Variants in G6PD observed in about 807,000 individuals in gnomAD.
The protein encoded by G6PD is glucose-6-phosphate 1-dehydrogenase.
In G6PD, 2 loss-of-function variants were observed where a neutral mutation model predicts 38.2. That is an observed-to-expected ratio of 0.05 (90% CI 0.02 to 0.16). The LOEUF (loss-of-function observed/expected upper bound fraction) is 0.16. G6PD is among the 10% of genes least tolerant of loss of function. The pLI is 1.00. For synonymous variants in G6PD, 188 were observed against 196.0 expected (o/e 0.96, Z 0.34); for missense variants, 310 against 471.6 (o/e 0.66, Z 3.17).
chrX:154,540,094 C>A (rs938824780), intron 2 of G6PD, among the ~76,000 whole-genome samples: 7 of 109,737 alleles, frequency 6.4e-5, no homozygotes, highest in Non-Finnish European at 9.5e-5. Flanking sequence ...GTAACCCCAG[C>A]ACTTTGGGAG....
upstream of G6PD, chrX:154,546,967 C>A (rs1291716447): frequency 3.2e-5 from 10 of 316,645 alleles, no homozygotes; most frequent in Admixed American, 7.2e-4. Context: ...CTCGTGCGGG[C>A]GGGGCGGGGC....
intron 2 of G6PD, among the ~76,000 whole-genome samples, 182 bp from the exon 3 acceptor site, chrX:154,536,360 C>A (rs1296777125): frequency 8.9e-6 from 1 of 111,782 alleles, no homozygotes; most frequent in African/African-American, 3.2e-5. Context: ...GCCCTCCATC[C>A]CTGACCCAGA....
chrX:154,531,774 TG>T lies in G6PD; in HGVS notation c.*225del. 2.0e-6 allele frequency: 1 copy of T among 490,214 alleles called. No individual in the cohort carries two copies. Among genetic ancestry groups the T allele is most frequent in the South Asian group, 3.2e-5 (1 of 31,355 alleles). The allele number at this position is 490,214 out of a possible 1,213,427, so 40.4% of individuals were successfully genotyped here. A position where few individuals can be genotyped will look rare whatever the true frequency, so the allele number is the denominator to read the frequency against. On this transcript the variant is annotated 3_prime_UTR_variant, in exon 13 of 13. Coordinates refer to ENST00000393562, the MANE Select transcript of G6PD (RefSeq NM_001360016.2). ...TGAGTGGAGGAGGTGACTCAGCTCC[TG>T]GGCTCAGGCAGGGTCTGGAGGGGCC...
rs1173248342 is a variant in G6PD at position 154,531,845 on chromosome X, C to T, written c.*155G>A. ...GGCAGCTGAGGAATGTAGCTGGGCT[C>T]GGGTAGTAGCAGCAGCGAGGGGCGG... is the stretch of plus-strand genomic sequence containing the variant. On this transcript the variant is annotated 3_prime_UTR_variant, in exon 13 of 13. Coordinates refer to ENST00000393562, the MANE Select transcript of G6PD (RefSeq NM_001360016.2). The T allele has an allele frequency of 4.3e-6, 4 of 920,093 alleles. No homozygotes were observed. The highest frequency in any genetic ancestry group is 3.4e-5 in the East Asian group (1 of 29,560). The allele number at this position is 920,093 out of a possible 1,213,427, so 75.8% of individuals were successfully genotyped here.
intron 2 of G6PD, 119 bp downstream of exon 2, chrX:154,545,917 G>T: frequency 1.1e-6 from 1 of 904,888 alleles, no homozygotes. Context: ...ACTAGCAGGA[G>T]CGGGAGGAGG....
Position 154,533,117 on chromosome X carries a change from C to A in G6PD, c.876G>T (p.Leu292Phe). 8.2e-7 allele frequency: 1 copy of A among 1,212,122 alleles called. No individual in the cohort carries two copies. The highest frequency in any genetic ancestry group is 1.1e-6 in the Non-Finnish European group (1 of 895,543). ...DDVRDEKVKV[L>F]KCISEVQANN... ...TGGCCTGCACCTCTGAGATGCATTTCAACACCTTGACCTGAGAGAAAGCCA... is the reference window on the plus strand; with the variant it reads ...TGGCCTGCACCTCTGAGATGCATTTAAACACCTTGACCTGAGAGAAAGCCA... Residue 292 changes from leucine (L) to phenylalanine (F), a missense_variant, in exon 9 of 13, where the codon TTG (leucine) becomes TTT (phenylalanine). Physicochemically the swap from Leu to Phe is conservative, Grantham distance 22. Transcript: ENST00000393562.
Position 154,534,997 on chromosome X carries a change from G to A in G6PD, c.485+171C>T, listed in dbSNP as rs782497316. On this transcript the variant is annotated intron_variant, in intron 5 of 12. Coordinates refer to ENST00000393562, the MANE Select transcript of G6PD (RefSeq NM_001360016.2). ...GGCCGGGCCTTTGGGGAAGCAGAGC[G>A]GAAAGGCGGTGTTTCGTGGAGCAAC... The A allele has an allele frequency of 3.1e-5, 16 of 517,956 alleles. 1 individual carries two copies. Among genetic ancestry groups the A allele is most frequent in the African/African-American group, 1.4e-4 (6 of 43,678 alleles). 42.7% of individuals were successfully genotyped at this position (517,956 alleles called of 1,213,427 possible).
At chrX:154,535,066 G>A in intron 5 of G6PD, 102 bp downstream of exon 5, 2 of 845,872 alleles carry the variant, frequency 2.4e-6, no homozygotes, top group Non-Finnish European at 3.5e-6. Flanking sequence ...CGGCACCATG[G>A]ATGCTGCCCA....
rs1237324759 is a variant in G6PD at position 154,531,947 on chromosome X, G to A, written c.*53C>T. ...CCCGGAGTCCTCCCGACTCGGGGTC[G>A]GGCGGCGGGAAGGAGGGTGGCCGTG... On this transcript the variant is annotated 3_prime_UTR_variant, in exon 13 of 13. Coordinates refer to ENST00000393562, the MANE Select transcript of G6PD (RefSeq NM_001360016.2). 12 of 1,186,050 alleles carry A rather than the reference G, an allele frequency of 1.0e-5. No individual in the cohort carries two copies. Among genetic ancestry groups the A allele is most frequent in the East Asian group, 9.2e-5 (3 of 32,722 alleles).
intron 2 of G6PD, among the ~76,000 whole-genome samples, chrX:154,537,022 T>G (rs186043664): frequency 8.9e-6 from 1 of 111,858 alleles, no homozygotes; most frequent in Non-Finnish European, 1.9e-5. Context: ...TAAAAGGGCA[T>G]AGGCCGGGCA....
chrX:154,534,177 G>A lies in G6PD; in HGVS notation c.645-17C>T, dbSNP rs5986875. 1.6e-3 allele frequency: 1,888 copies of A among 1,210,430 alleles called. 17 individuals carry two copies. The African/African-American group carries it at 0.03, about 19-fold the overall frequency. On this transcript the variant is annotated splice_polypyrimidine_tract_variant and intron_variant, in intron 6 of 12. Transcript: ENST00000393562. ...TTGGCAAATCTGCAGGGAGGGGCAA[G>A]GTGGAGGAACTGACCTTGGGCCTCT...
Position 154,535,397 on chromosome X carries a change from G to A in G6PD, c.268-12C>T, listed in dbSNP as rs782104488. 2.0e-5 allele frequency: 24 copies of A among 1,187,673 alleles called. No homozygotes were observed. Among genetic ancestry groups the A allele is most frequent in the Admixed American group, 6.7e-5 (3 of 44,989 alleles). On this transcript the variant is annotated splice_polypyrimidine_tract_variant and intron_variant, in intron 4 of 12. Transcript: ENST00000393562. Reference sequence around the variant, plus strand: ...TCCTCTGGGGTGGCCTGGGAGACACGGACAGACAGACACACAGACAGATGT... The same window carrying A: ...TCCTCTGGGGTGGCCTGGGAGACACAGACAGACAGACACACAGACAGATGT...
At chrX:154,544,964 T>C (rs782777764) in intron 2 of G6PD, among the ~76,000 whole-genome samples, 3 of 112,374 alleles carry the variant, frequency 2.7e-5, no homozygotes, top group East Asian at 5.6e-4. Flanking sequence ...GGTAAGTTAA[T>C]GGCAAAGATG....
chrX:154,532,125 A>G (rs2070344000), intron 12 of G6PD, 35 bp from the exon 13 acceptor site: 3 of 1,199,682 alleles, frequency 2.5e-6, no homozygotes, highest in Non-Finnish European at 3.4e-6. Flanking sequence ...GGCATGAGGT[A>G]GCTCCACCCT....
Position 154,531,784 on chromosome X carries a change from C to A in G6PD, c.*216G>T. The A allele has an allele frequency of 5.7e-6, 3 of 523,647 alleles. No individual in the cohort carries two copies. Among genetic ancestry groups the A allele is most frequent in the Non-Finnish European group, 9.2e-6 (3 of 326,220 alleles). 43.2% of individuals were successfully genotyped at this position (523,647 alleles called of 1,213,427 possible). ...AGGTGACTCAGCTCCTGGGCTCAGGCAGGGTCTGGAGGGGCCAGGATGGTC... is the reference window on the plus strand; with the variant it reads ...AGGTGACTCAGCTCCTGGGCTCAGGAAGGGTCTGGAGGGGCCAGGATGGTC... On this transcript the variant is annotated 3_prime_UTR_variant, in exon 13 of 13. Transcript: ENST00000393562.
intron 2 of G6PD, among the ~76,000 whole-genome samples, chrX:154,545,283 C>G (rs1557232929): frequency 9.0e-6 from 1 of 111,527 alleles, no homozygotes; most frequent in African/African-American, 3.3e-5. Context: ...GGTAGGCTTT[C>G]GAAATTGAGG....
At chrX:154,533,443 C>G (rs1185324115) in intron 8 of G6PD, 133 bp downstream of exon 8, 1 of 810,455 alleles carries the variant, frequency 1.2e-6, no homozygotes, top group African/African-American at 2.1e-5. Context: ...TCCGGGAGGC[C>G]ACGCTGTGCT....
At position 154,531,953 on chromosome X, in the gene G6PD, C is replaced by T. The variant is rs398123543; in HGVS notation, c.*47G>A. ...GTCCTCCCGACTCGGGGTCGGGCGG[C>T]GGGAAGGAGGGTGGCCGTGGCGGGG... On this transcript the variant is annotated 3_prime_UTR_variant, in exon 13 of 13. Transcript: ENST00000393562. The T allele has an allele frequency of 3.7e-5, 31 of 842,310 alleles. No individual in the cohort carries two copies. The East Asian group carries it at 6.3e-4, about 17-fold the overall frequency. The allele number at this position is 842,310 out of a possible 1,213,427, so 69.4% of individuals were successfully genotyped here.
chrX:154,547,200 G>C (rs886918472), upstream of G6PD: 100 of 415,240 alleles, frequency 2.4e-4, no homozygotes, highest in African/African-American at 2.6e-3. Flanking sequence ...TCGCGCGCTC[G>C]CGGAGGGCTC....
Sources: allele counts gnomAD v4.1 joint callset (sites outside exome capture counted in the v4.1 genomes callset), GRCh38; gene constraint gnomAD v4.1.1; transcripts MANE v1.5; gene names NCBI Gene and HGNC (gene_info 2026-07-23, HGNC 2026-07-21).